Variants in ERAP1 observed in about 807,000 individuals in gnomAD.
The protein encoded by ERAP1 is adipocyte-derived leucine aminopeptidase.
ERAP1 carries 86 observed loss-of-function variants against 103.7 expected under a neutral mutation model. The ratio of observed to expected loss-of-function variants is 0.83; its 90% CI spans 0.70 to 0.99. The LOEUF is 0.99. Among genes scored for constraint, ERAP1 ranks in the 50% least tolerant of loss-of-function variants. The pLI is 0.00. For missense variants in ERAP1, 1,009 were observed against 1,128.4 expected, an observed-to-expected ratio of 0.89 and a Z score of 1.52; for synonymous variants, 398 against 402.4, an observed-to-expected ratio of 0.99 and a Z score of 0.13.
rs1778264556 is a variant in ERAP1, at chr5:96,803,822, A to G, written c.105T>C (p.Thr35=). 1 of 1,614,106 alleles carries G rather than the reference A, an allele frequency of 6.2e-7. No homozygotes were observed. Among genetic ancestry groups the G allele is most frequent in the Admixed American group, 1.7e-5 (1 of 60,010 alleles). ...CATCACTACGTTTTGGAGATGCTTC[A>G]GTGCTCTGACACCATGAAGGAGTGG... ...TVSTPSWCQS[T]EASPKRSDGT... Residue 35 remains threonine, a synonymous_variant, in exon 2 of 19, where the codon ACT becomes ACC. Coordinates refer to ENST00000443439, the MANE Select transcript of ERAP1 (RefSeq NM_001040458.3).
Position 96,785,666 on chromosome 5 carries a change from T to TA in ERAP1, c.1943+121dup, listed in dbSNP as rs11386832. Reference sequence around the variant, plus strand: ...GCAATCTTGGGTTGTTAGAAGAACTTAAAGGAAAACACCTTTCAACTTCTT... The same window carrying TA: ...GCAATCTTGGGTTGTTAGAAGAACTTAAAAGGAAAACACCTTTCAACTTCTT... On this transcript the variant is annotated intron_variant, in intron 13 of 18. Coordinates refer to ENST00000443439, the MANE Select transcript of ERAP1 (RefSeq NM_001040458.3). 0.71 allele frequency: 800,293 copies of TA among 1,124,138 alleles called. 287,194 individuals carry two copies. The highest frequency in any genetic ancestry group is 0.73 in the Non-Finnish European group (558,230 of 767,042). The allele number at this position is 1,124,138 out of a possible 1,614,324, so 69.6% of individuals were successfully genotyped here.
the ERAP1 span, among the ~76,000 whole-genome samples, chr5:96,923,746 A>G: frequency 6.6e-6 from 1 of 152,070 alleles, no homozygotes; most frequent in Non-Finnish European, 1.5e-5. Context: ...CAAAATATCC[A>G]GTTGCCTTTT....
At chr5:96,826,044 A>G in the ERAP1 span, among the ~76,000 whole-genome samples, 2 of 152,250 alleles carry the variant, frequency 1.3e-5, no homozygotes, top group African/African-American at 4.8e-5. Context: ...CTGCACCACC[A>G]GTCACCTGGC....
chr5:96,870,472 T>C, the ERAP1 span, among the ~76,000 whole-genome samples: 2 of 152,300 alleles, frequency 1.3e-5, no homozygotes, highest in African/African-American at 2.4e-5. Flanking sequence ...TACGAAATCA[T>C]AGAATCACCC....
chr5:96,873,353 G>A, the ERAP1 span: 8 of 456,134 alleles, frequency 1.8e-5, no homozygotes, highest in South Asian at 6.2e-5. Flanking sequence ...ATCCTGGTGC[G>A]TGGTCCATTG....
At chr5:96,793,726 A>G in intron 6 of ERAP1, 77 bp downstream of exon 6, 1 of 1,346,422 alleles carries the variant, frequency 7.4e-7, no homozygotes, top group Middle Eastern at 2.4e-4. Flanking sequence ...TAAAAATTAT[A>G]TAAATAGCCT....
intron 5 of ERAP1, among the ~76,000 whole-genome samples, chr5:96,794,171 CTTTTTTTTT>C (rs35041937): frequency 0.1 from 7,147 of 68,682 alleles, 217 homozygotes; most frequent in Middle Eastern, 0.2. Context: ...CATCTCAGGC[CTTTTTTTTT>C]TTTTTTTTTT....
At chr5:96,892,219 T>A in the ERAP1 span, 3 of 1,386,340 alleles carry the variant, frequency 2.2e-6, no homozygotes, top group African/African-American at 4.3e-5. Flanking sequence ...TAAAGGATCA[T>A]AGTGTATTTG....
chr5:96,859,060 T>TACACACACAC, the ERAP1 span, among the ~76,000 whole-genome samples: 460 of 144,816 alleles, frequency 3.2e-3, 1 homozygote, highest in Non-Finnish European at 4.6e-3. Context: ...GCCACATGCA[T>TACACACACAC]ACACACACAC....
the ERAP1 span, among the ~76,000 whole-genome samples, chr5:96,907,591 C>T: frequency 2.1e-5 from 3 of 142,188 alleles, no homozygotes; most frequent in Non-Finnish European, 4.5e-5. Context: ...TTTTTTAATA[C>T]GGCAGACTAG....
intron 19 of ERAP1, chr5:96,767,810 A>G (rs936863033): frequency 2.6e-5 from 19 of 730,658 alleles, no homozygotes; most frequent in Non-Finnish European, 4.1e-5. Context: ...TTTTTCTTAT[A>G]GAAACATCTT....
At chr5:96,932,648 C>T in the ERAP1 span, among the ~76,000 whole-genome samples, 1 of 152,152 alleles carries the variant, frequency 6.6e-6, no homozygotes, top group South Asian at 2.1e-4. Context: ...ACAGTAGTTC[C>T]CTCCTTATCT....
rs372548668 is a variant in ERAP1 at position 96,765,261 on chromosome 5, C to G, written c.2819-2033G>C. The G allele has an allele frequency of 6.2e-6, 10 of 1,606,374 alleles. No homozygotes were observed. The African/African-American group carries it at 1.1e-4, about 17-fold the overall frequency. On this transcript the variant is annotated intron_variant, in intron 19 of 19. Coordinates refer to the ERAP1 transcript ENST00000296754. ...CTCGATGATGCCTTGGATAAACTCT[C>G]TGACAGTCTAGGACAAAGGCAGCCT... is the stretch of plus-strand genomic sequence containing the variant.
chr5:96,899,317 T>C, the ERAP1 span, among the ~76,000 whole-genome samples: 2 of 152,196 alleles, frequency 1.3e-5, no homozygotes, highest in African/African-American at 4.8e-5. Flanking sequence ...CTAAAGGTCC[T>C]AGATTTTGAC....
chr5:96,919,711 T>G, the ERAP1 span: 1 of 152,324 alleles, frequency 6.6e-6, no homozygotes, highest in African/African-American at 2.4e-5. Flanking sequence ...AAATGTATTG[T>G]ACTTATTAGT....
Position 96,781,806 on chromosome 5 carries a change from G to C in ERAP1, c.2334C>G (p.Ser778Arg). The change falls in exon 16 of 19, where the codon AGC becomes AGG. Residue 778 changes from serine (S) to arginine (R), a missense_variant. Ser to Arg is a moderately radical substitution (Grantham distance 110). Around this residue, in one of 3 missense-constraint regions of ERAP1, gnomAD observed 611 missense variants for 651.7 expected, o/e 0.94. Transcript: ENST00000443439. ...TATAAAGAAAATCCCAGCCTTCTGTGCTCTGGGCCCCCACAGCAAACACTG... is the reference window on the plus strand; with the variant it reads ...TATAAAGAAAATCCCAGCCTTCTGTCCTCTGGGCCCCCACAGCAAACACTG... ...TLAVFAVGAQ[S>R]TEGWDFLYSK... 4.3e-6 allele frequency: 7 copies of C among 1,614,054 alleles called. No individual in the cohort carries two copies. The highest frequency in any genetic ancestry group is 5.9e-6 in the Non-Finnish European group (7 of 1,180,016).
chr5:96,925,195 C>A, the ERAP1 span, among the ~76,000 whole-genome samples: 14 of 152,212 alleles, frequency 9.2e-5, no homozygotes, highest in Non-Finnish European at 1.5e-4. Context: ...AATTCACATA[C>A]AATAGTAACA....
chr5:96,869,765 T>C, the ERAP1 span, among the ~76,000 whole-genome samples: 1 of 152,142 alleles, frequency 6.6e-6, no homozygotes, highest in African/African-American at 2.4e-5. Context: ...CAGACATCTA[T>C]CCACATTGAA....
chr5:96,823,425 T>C, the ERAP1 span, among the ~76,000 whole-genome samples: 2 of 152,206 alleles, frequency 1.3e-5, no homozygotes, highest in Admixed American at 1.3e-4. Flanking sequence ...TCCACAGTAT[T>C]TCTTGCATAG....
Sources: allele counts gnomAD v4.1 joint callset (sites outside exome capture counted in the v4.1 genomes callset), GRCh38; gene constraint gnomAD v4.1.1; regional missense constraint gnomAD v4.1.1; transcripts MANE v1.5; gene names NCBI Gene and HGNC (gene_info 2026-07-23, HGNC 2026-07-21).